CD1B: variants seen among roughly 807,000 people sequenced by gnomAD.
CD1B encodes T-cell surface glycoprotein CD1b.
CD1B carries 43 observed loss-of-function variants against 39.8 expected under a neutral mutation model. The observed-to-expected ratio is 1.08, with a 90% CI of 0.85 to 1.39. The LOEUF (loss-of-function observed/expected upper bound fraction) is 1.39. Ranked by LOEUF, CD1B falls within the 40% of genes most tolerant of loss-of-function variation. The probability of loss-of-function intolerance (pLI) is 0.00; values close to 1 mark genes in which losing one functional copy is unlikely to be tolerated. For synonymous variants in CD1B, 192 were observed against 152.5 expected (o/e 1.26, Z -1.91); for missense variants, 495 against 403.8 (o/e 1.23, Z -1.94).
the CD1B span, among the ~76,000 whole-genome samples, chr1:158,314,893 G>A: frequency 1.4e-5 from 2 of 146,800 alleles, no homozygotes; most frequent in South Asian, 2.2e-4. Context: ...ACCTATGAGT[G>A]AGAATATGCG....
intron 4 of CD1B, 131 bp from the exon 5 acceptor site, chr1:158,329,145 A>G: frequency 2.1e-6 from 2 of 931,642 alleles, no homozygotes; most frequent in Non-Finnish European, 3.3e-6. Flanking sequence ...TGGCCACCAT[A>G]TATCCATCCT....
At chr1:158,308,214 G>T in the CD1B span, among the ~76,000 whole-genome samples, 4 of 152,228 alleles carry the variant, frequency 2.6e-5, no homozygotes, top group Admixed American at 6.5e-5. Flanking sequence ...CAAACCATGA[G>T]TGAACTCCCA....
chr1:158,319,797 T>C, the CD1B span, among the ~76,000 whole-genome samples: 1 of 152,240 alleles, frequency 6.6e-6, no homozygotes, highest in African/African-American at 2.4e-5. Context: ...TGTGGTTTTA[T>C]CTATTTTGGT....
the CD1B span, chr1:158,293,188 C>T: frequency 1.3e-6 from 2 of 1,555,042 alleles, no homozygotes; most frequent in Non-Finnish European, 1.8e-6. Flanking sequence ...AAATGGCATC[C>T]ATGTATCTTT....
chr1:158,314,597 T>A, the CD1B span, among the ~76,000 whole-genome samples: 1 of 152,156 alleles, frequency 6.6e-6, no homozygotes, highest in African/African-American at 2.4e-5. Flanking sequence ...TGCTGTAGAC[T>A]TCCCTCTTAG....
intron 5 of CD1B, 55 bp downstream of exon 5, chr1:158,328,866 A>T (rs763290774): frequency 4.3e-5 from 52 of 1,201,176 alleles, no homozygotes; most frequent in Middle Eastern, 2.0e-4. Flanking sequence ...AAAACAGTGG[A>T]AGGGTGAACA....
chr1:158,299,168 A>G, the CD1B span, among the ~76,000 whole-genome samples: 1 of 152,214 alleles, frequency 6.6e-6, no homozygotes, highest in Admixed American at 6.5e-5. Context: ...AATAGGTCTT[A>G]GTATTTTGAG....
At chr1:158,331,245 G>T in intron 1 of CD1B, 118 bp downstream of exon 1, 1 of 1,131,960 alleles carries the variant, frequency 8.8e-7, no homozygotes, top group Non-Finnish European at 1.3e-6. Context: ...TGGTTGAAGA[G>T]GGCGGGAGAC....
the CD1B span, among the ~76,000 whole-genome samples, chr1:158,316,719 C>T: frequency 6.6e-6 from 1 of 151,020 alleles, no homozygotes; most frequent in Non-Finnish European, 1.5e-5. Flanking sequence ...TGAGAGAGGG[C>T]ATCCTTGTCT....
the CD1B span, among the ~76,000 whole-genome samples, chr1:158,320,503 C>T: frequency 1.3e-5 from 2 of 152,140 alleles, no homozygotes; most frequent in Non-Finnish European, 2.9e-5. Context: ...GGCAATGCCT[C>T]ACCCCGCTTC....
chr1:158,307,646 G>A, the CD1B span, among the ~76,000 whole-genome samples: 1 of 152,246 alleles, frequency 6.6e-6, no homozygotes, highest in East Asian at 1.9e-4. Context: ...GACAATTTTA[G>A]ACCAATATCC....
the CD1B span, among the ~76,000 whole-genome samples, chr1:158,316,459 G>T: frequency 1.3e-5 from 2 of 151,742 alleles, no homozygotes; most frequent in African/African-American, 4.9e-5. Context: ...CTCTCTGTTT[G>T]TCTGTTGTTG....
the CD1B span, among the ~76,000 whole-genome samples, chr1:158,306,008 A>T: frequency 2.2e-4 from 33 of 152,348 alleles, no homozygotes; most frequent in East Asian, 6.4e-3. Flanking sequence ...CGAGGCTAGG[A>T]AGAAACTGCA....
At chr1:158,315,417 G>C in the CD1B span, among the ~76,000 whole-genome samples, 8 of 151,708 alleles carry the variant, frequency 5.3e-5, no homozygotes, top group Non-Finnish European at 1.0e-4. Flanking sequence ...GTGATGATGA[G>C]CATTTTTTAA....
downstream of CD1B, among the ~76,000 whole-genome samples, chr1:158,325,664 C>G (rs1010598329): frequency 6.6e-6 from 1 of 150,808 alleles, no homozygotes; most frequent in Non-Finnish European, 1.5e-5. Context: ...CACACACACA[C>G]GCACACACAC....
the CD1B span, among the ~76,000 whole-genome samples, chr1:158,299,104 G>T: frequency 6.6e-6 from 1 of 152,098 alleles, no homozygotes; most frequent in Non-Finnish European, 1.5e-5. Flanking sequence ...GTTTTCAAAG[G>T]GAATGCTTCC....
chr1:158,312,142 G>A, the CD1B span, among the ~76,000 whole-genome samples: 17 of 152,202 alleles, frequency 1.1e-4, no homozygotes, highest in African/African-American at 3.9e-4. Context: ...AATACGATAT[G>A]ATTTGGCCCT....
At chr1:158,309,404 A>T in the CD1B span, among the ~76,000 whole-genome samples, 4 of 152,316 alleles carry the variant, frequency 2.6e-5, no homozygotes, top group African/African-American at 9.6e-5. Flanking sequence ...TAGTTCAGCC[A>T]TTGTGGAGGT....
At chr1:158,305,133 T>C in the CD1B span, among the ~76,000 whole-genome samples, 3 of 152,008 alleles carry the variant, frequency 2.0e-5, no homozygotes, top group African/African-American at 7.3e-5. Flanking sequence ...ACGATCAAAC[T>C]ACTCCGAGCT....
Sources: allele counts gnomAD v4.1 joint callset (sites outside exome capture counted in the v4.1 genomes callset), GRCh38; gene constraint gnomAD v4.1.1; transcripts MANE v1.5; gene names NCBI Gene and HGNC (gene_info 2026-07-23, HGNC 2026-07-21).